Variants in CHD9 observed in about 807,000 individuals in gnomAD.
The protein encoded by CHD9 is ATP-dependent chromatin remodeler CHD9.
CHD9 carries 77 observed loss-of-function variants against 316.1 expected under a neutral mutation model. The ratio of observed to expected loss-of-function variants is 0.24; its 90% CI spans 0.20 to 0.29. The LOEUF (loss-of-function observed/expected upper bound fraction) is 0.29. CHD9 is among the 10% of genes least tolerant of loss of function. The pLI, the probability that CHD9 is intolerant of heterozygous loss-of-function variation, is 1.00. For missense variants in CHD9, 2,763 were observed against 3,438.1 expected, an observed-to-expected ratio of 0.80 and a Z score of 4.91; for synonymous variants, 1,129 against 1,158.3, an observed-to-expected ratio of 0.97 and a Z score of 0.51.
intron 2 of CHD9, among the ~76,000 whole-genome samples, chr16:53,196,294 G>A (rs532938781): frequency 9.6e-4 from 146 of 152,276 alleles, no homozygotes; most frequent in African/African-American, 3.4e-3. Context: ...TCACGACAAG[G>A]ATGTTGCTCT....
chr16:53,295,258 C>G (rs1434771750), intron 29 of CHD9, among the ~76,000 whole-genome samples: 1 of 152,188 alleles, frequency 6.6e-6, no homozygotes, highest in African/African-American at 2.4e-5. Context: ...TCCTGAGTGG[C>G]TGGCACTACA....
rs143448326 is a variant in CHD9, at chr16:53,092,919, C to T, written c.-165+37842C>T. On this transcript the variant is annotated intron_variant, in intron 1 of 38. Transcript: ENST00000447540. ...TCAGCCTCTCGAATAGCTGGGACTA[C>T]AGGCGTGCACCACCACACCCAGCTA... 1.7e-3 allele frequency among the ~76,000 whole-genome samples: 253 copies of T among 152,266 alleles called. 1 individual carries two copies. The highest frequency in any genetic ancestry group is 5.7e-3 in the African/African-American group (236 of 41,554).
At chr16:53,275,181 TCA>T (rs953382322) in intron 24 of CHD9, among the ~76,000 whole-genome samples, 2 of 151,856 alleles carry the variant, frequency 1.3e-5, no homozygotes, top group African/African-American at 4.8e-5. Context: ...ACAGGTGCCA[TCA>T]CACCTGCCTA....
intron 29 of CHD9, 27 bp from the exon 30 acceptor site, chr16:53,296,929 T>G: frequency 6.4e-7 from 1 of 1,554,814 alleles, no homozygotes; most frequent in Non-Finnish European, 8.8e-7. Flanking sequence ...CTAGTGTGGT[T>G]TTTTTCTTTA....
chr16:53,129,360 TAA>T (rs1024776222), intron 1 of CHD9, among the ~76,000 whole-genome samples: 1 of 152,202 alleles, frequency 6.6e-6, no homozygotes, highest in Non-Finnish European at 1.5e-5. Context: ...GCCCCAGAGA[TAA>T]ACTCTTTCTG....
intron 1 of CHD9, among the ~76,000 whole-genome samples, chr16:53,112,388 A>G (rs1054371788): frequency 9.9e-5 from 15 of 152,198 alleles, no homozygotes; most frequent in Admixed American, 7.2e-4. Context: ...GGGTTTTTCA[A>G]TGTTATTCCT....
At chr16:53,116,018 G>A (rs1237912241) in intron 1 of CHD9, among the ~76,000 whole-genome samples, 2 of 152,146 alleles carry the variant, frequency 1.3e-5, no homozygotes, top group Non-Finnish European at 2.9e-5. Context: ...TCTAGAAAGA[G>A]GAGCGGCAGA....
chr16:53,128,307 C>T (rs527988044), intron 1 of CHD9, among the ~76,000 whole-genome samples: 10 of 152,264 alleles, frequency 6.6e-5, no homozygotes, highest in African/African-American at 2.2e-4. Context: ...CTCAGCCTCC[C>T]GAGTAGCTGG....
intron 19 of CHD9, among the ~76,000 whole-genome samples, chr16:53,260,385 A>G (rs994712518): frequency 6.6e-6 from 1 of 152,192 alleles, no homozygotes; most frequent in Admixed American, 6.5e-5. Context: ...AGGCTGAGGC[A>G]GGAGGATTGT....
chr16:53,161,405 T>C (rs1027953085), intron 2 of CHD9, among the ~76,000 whole-genome samples: 1 of 152,206 alleles, frequency 6.6e-6, no homozygotes, highest in East Asian at 1.9e-4. Flanking sequence ...TGAAATGTTA[T>C]ATTAATAAGG....
chr16:53,249,271 C>CT lies in CHD9; in HGVS notation c.3666-598dup, dbSNP rs2049936946. ...TGTGTCAGATGTCATATGTATACCA[C>CT]TTAGAGTCCAAGCTCCTAAATTTTT... is the stretch of plus-strand genomic sequence containing the variant. On this transcript the variant is annotated intron_variant, in intron 16 of 38. Transcript: ENST00000447540. Among the ~76,000 whole-genome samples the CT allele has an allele frequency of 3.3e-5, 5 of 152,238 alleles. No individual in the cohort carries two copies. The South Asian group carries it at 6.2e-4, about 19-fold the overall frequency.
At chr16:53,080,618 G>T (rs2034937420) in intron 1 of CHD9, among the ~76,000 whole-genome samples, 1 of 152,186 alleles carries the variant, frequency 6.6e-6, no homozygotes, top group African/African-American at 2.4e-5. Context: ...TACAAGCTGG[G>T]TTTGACTGAA....
At chr16:53,181,729 T>G (rs1189068489) in intron 2 of CHD9, among the ~76,000 whole-genome samples, 2 of 152,210 alleles carry the variant, frequency 1.3e-5, no homozygotes, top group Non-Finnish European at 2.9e-5. Context: ...TTAATTTATT[T>G]AGTTGATAGT....
At chr16:53,231,254 T>A (rs35543548) in intron 8 of CHD9, among the ~76,000 whole-genome samples, 165 bp from the exon 9 acceptor site, 73,856 of 152,026 alleles carry the variant, frequency 0.49, 18,672 homozygotes, top group African/African-American at 0.6. Context: ...ATTTTTCATG[T>A]TATCCTAGCT....
At chr16:53,310,863 TAATA>T (rs1236951941) in intron 34 of CHD9, 1 of 144,312 alleles carries the variant, frequency 6.9e-6, no homozygotes, top group Non-Finnish European at 1.5e-5. Context: ...AAAACAATAA[TAATA>T]ATAATAATAA....
intron 4 of CHD9, 81 bp from the exon 5 acceptor site, chr16:53,226,285 T>C (rs1475655857): frequency 1.1e-6 from 1 of 885,756 alleles, no homozygotes; most frequent in Non-Finnish European, 1.6e-6. Flanking sequence ...TATACAAAAT[T>C]GCCAACTCTA....
intron 13 of CHD9, among the ~76,000 whole-genome samples, chr16:53,244,192 C>CTT (rs529369708): frequency 1.3e-3 from 178 of 135,492 alleles, no homozygotes; most frequent in Non-Finnish European, 1.9e-3. Flanking sequence ...AAGCATATTT[C>CTT]TTTTTTTTTT....
chr16:53,156,676 C>T lies in CHD9; in HGVS notation c.587C>T (p.Ser196Phe), dbSNP rs1182542253. The change falls in exon 2 of 39, where the codon TCT (serine) becomes TTT (phenylalanine). Residue 196 changes from serine (S) to phenylalanine (F), a missense_variant. By Grantham distance (155) the Ser-to-Phe change is radical. Around this residue, in one of 15 missense-constraint regions of CHD9, gnomAD observed 859 missense variants for 890.4 expected, o/e 0.96. Transcript: ENST00000447540. Reference sequence around the variant, plus strand: ...CCAGGGCAGAATTCTCTTAGCCAGTCTAAAAATTTTATGAATGTTTCTGGT... The same window carrying T: ...CCAGGGCAGAATTCTCTTAGCCAGTTTAAAAATTTTATGAATGTTTCTGGT... Reference protein sequence around the residue: ...LNPGQNSLSQSKNFMNVSGPH... With the variant: ...LNPGQNSLSQFKNFMNVSGPH... The T allele has an allele frequency of 6.2e-7, 1 of 1,613,938 alleles. No homozygotes were observed. The highest frequency in any genetic ancestry group is 8.5e-7 in the Non-Finnish European group (1 of 1,179,870).
At chr16:53,144,339 G>A (rs139955210) in intron 1 of CHD9, among the ~76,000 whole-genome samples, 1,832 of 152,204 alleles carry the variant, frequency 0.012, 24 homozygotes, top group Non-Finnish European at 0.019. Context: ...AACAGGGCCG[G>A]AGTTGAATAT....
Sources: allele counts gnomAD v4.1 joint callset (sites outside exome capture counted in the v4.1 genomes callset), GRCh38; gene constraint gnomAD v4.1.1; regional missense constraint gnomAD v4.1.1; transcripts MANE v1.5; gene names NCBI Gene and HGNC (gene_info 2026-07-23, HGNC 2026-07-21).